Variants in NOL4 observed in about 807,000 individuals in gnomAD.
NOL4 encodes the protein cancer/testis antigen 125.
In NOL4, 17 loss-of-function variants were observed where a neutral mutation model predicts 75.9. The ratio of observed to expected loss-of-function variants is 0.22; its 90% CI spans 0.15 to 0.34. The LOEUF (loss-of-function observed/expected upper bound fraction) is 0.34. Ranked by LOEUF, NOL4 falls within the 10% of genes least tolerant of loss-of-function variation. NOL4 has a pLI of 1.00. For synonymous variants in NOL4, 292 were observed against 289.9 expected (o/e 1.01, Z -0.07); for missense variants, 614 against 793.5 (o/e 0.77, Z 2.72).
intron 5 of NOL4, among the ~76,000 whole-genome samples, chr18:34,087,940 T>C (rs1201334186): frequency 1.3e-5 from 2 of 151,996 alleles, no homozygotes; most frequent in Non-Finnish European, 2.9e-5. Flanking sequence ...CTGATTAAGC[T>C]GACATACAGA....
intron 1 of NOL4, among the ~76,000 whole-genome samples, chr18:34,209,172 C>A (rs569019870): frequency 8.0e-6 from 1 of 125,456 alleles, no homozygotes; most frequent in Non-Finnish European, 1.6e-5. Flanking sequence ...CCAGCCTGGG[C>A]GGCAGAGTGA....
intron 6 of NOL4, among the ~76,000 whole-genome samples, chr18:33,976,428 G>T (rs112184112): frequency 0.023 from 3,531 of 152,224 alleles, 57 homozygotes; most frequent in Non-Finnish European, 0.036. Context: ...GTCAATCCTA[G>T]ATTTAACTCC....
chr18:33,936,767 A>G (rs892072548), intron 9 of NOL4, among the ~76,000 whole-genome samples: 1 of 152,092 alleles, frequency 6.6e-6, no homozygotes, highest in Non-Finnish European at 1.5e-5. Context: ...AAACCCTCAC[A>G]TTCTCCAGAA....
At chr18:34,167,734 A>C (rs4462680) in intron 1 of NOL4, among the ~76,000 whole-genome samples, 1 of 151,748 alleles carries the variant, frequency 6.6e-6, no homozygotes, top group African/African-American at 2.4e-5. Flanking sequence ...AAACTAGAGC[A>C]GAGGCCTATC....
intron 1 of NOL4, among the ~76,000 whole-genome samples, chr18:34,167,096 T>C (rs1350554138): frequency 7.4e-6 from 1 of 135,650 alleles, no homozygotes; most frequent in Non-Finnish European, 1.6e-5. Flanking sequence ...AAAAAAAATA[T>C]ATAGTATAAC....
At chr18:34,034,751 C>CA (rs1356333905) in intron 5 of NOL4, among the ~76,000 whole-genome samples, 7 of 151,230 alleles carry the variant, frequency 4.6e-5, no homozygotes, top group Non-Finnish European at 8.8e-5. Flanking sequence ...CCCCACCCCC[C>CA]AAAAAAGCAA....
intron 9 of NOL4, among the ~76,000 whole-genome samples, chr18:33,913,130 T>C (rs1427031671): frequency 6.6e-6 from 1 of 152,146 alleles, no homozygotes; most frequent in East Asian, 1.9e-4. Context: ...TCTTGTGAAA[T>C]ACCAGCCTGT....
In NOL4 at chr18:33,918,085, C is replaced by T. The variant is rs56812340; in HGVS notation, c.1542+24980G>A. Among the ~76,000 whole-genome samples, 1,479 of 152,220 alleles carry T rather than the reference C, an allele frequency of 9.7e-3. 26 individuals are homozygous for T. Among genetic ancestry groups the T allele is most frequent in the African/African-American group, 0.033 (1,379 of 41,532 alleles). The stretch of plus-strand genomic sequence containing the variant: ...CTTTGCTATGGCCAAACATGAATAA[C>T]GTGTTTACCTATTAATATTTTGGGA... On this transcript the variant is annotated intron_variant, in intron 9 of 10. Transcript: ENST00000261592.
chr18:34,027,941 T>C (rs1206462028), intron 5 of NOL4, among the ~76,000 whole-genome samples: 2 of 152,206 alleles, frequency 1.3e-5, no homozygotes, highest in Admixed American at 6.5e-5. Context: ...TAGTGGTATA[T>C]ATATTCATTT....
intron 5 of NOL4, among the ~76,000 whole-genome samples, chr18:34,045,644 T>C (rs1238079488): frequency 1.3e-5 from 2 of 152,168 alleles, no homozygotes; most frequent in Non-Finnish European, 2.9e-5. Flanking sequence ...CTGACATAAT[T>C]TTCCTGAGAC....
chr18:33,937,704 G>A (rs1192549242), intron 9 of NOL4, among the ~76,000 whole-genome samples: 1 of 152,126 alleles, frequency 6.6e-6, no homozygotes, highest in Non-Finnish European at 1.5e-5. Context: ...TTGGTAGGAA[G>A]TAGAATCACT....
intron 6 of NOL4, among the ~76,000 whole-genome samples, chr18:34,010,047 T>C (rs1460979876): frequency 2.0e-5 from 3 of 151,844 alleles, no homozygotes; most frequent in Non-Finnish European, 4.4e-5. Flanking sequence ...CCTTGTCATC[T>C]GAGTTATCCT....
intron 9 of NOL4, among the ~76,000 whole-genome samples, chr18:33,927,922 C>A (rs182533021): frequency 1.7e-3 from 259 of 152,078 alleles, no homozygotes; most frequent in African/African-American, 4.0e-3. Flanking sequence ...AGCCCAATTT[C>A]CCCAGCTATT....
At chr18:33,984,198 A>G (rs2146021768) in intron 6 of NOL4, among the ~76,000 whole-genome samples, 1 of 152,260 alleles carries the variant, frequency 6.6e-6, no homozygotes, top group East Asian at 1.9e-4. Flanking sequence ...ATCTCAATAC[A>G]TTCATAGTAC....
chr18:34,096,564 T>C (rs2078789893), intron 4 of NOL4, among the ~76,000 whole-genome samples: 1 of 152,142 alleles, frequency 6.6e-6, no homozygotes. Flanking sequence ...TGATCTGATA[T>C]TAAGTATTTT....
chr18:33,968,506 G>A (rs955159658), intron 6 of NOL4, among the ~76,000 whole-genome samples: 1 of 152,046 alleles, frequency 6.6e-6, no homozygotes, highest in African/African-American at 2.4e-5. Context: ...ATTATCCTAA[G>A]GGAATTAACA....
At chr18:34,080,763 G>A (rs773412376) in intron 5 of NOL4, among the ~76,000 whole-genome samples, 1 of 152,160 alleles carries the variant, frequency 6.6e-6, no homozygotes, top group Non-Finnish European at 1.5e-5. Context: ...GTTTAACTGG[G>A]TAAAGCATCA....
chr18:33,914,054 T>G (rs2066566665), intron 9 of NOL4, among the ~76,000 whole-genome samples: 1 of 152,114 alleles, frequency 6.6e-6, no homozygotes, highest in Non-Finnish European at 1.5e-5. Context: ...AAACATTTAT[T>G]TACAAAGTAA....
chr18:34,051,279 G>T (rs1351369921), intron 5 of NOL4, among the ~76,000 whole-genome samples: 2 of 151,794 alleles, frequency 1.3e-5, no homozygotes, highest in Non-Finnish European at 2.9e-5. Flanking sequence ...ATTTAATAAA[G>T]CAAAGTGAAT....
Sources: allele counts gnomAD v4.1 joint callset (sites outside exome capture counted in the v4.1 genomes callset), GRCh38; gene constraint gnomAD v4.1.1; transcripts MANE v1.5; gene names NCBI Gene and HGNC (gene_info 2026-07-23, HGNC 2026-07-21).